The following RBM33 variants were observed in gnomAD, a reference collection of about 807,000 sequenced individuals.
The protein encoded by RBM33 is RNA-binding protein 33.
RBM33 carries 28 observed loss-of-function variants against 132.6 expected under a neutral mutation model. The observed-to-expected ratio is 0.21, with a 90% CI of 0.16 to 0.29. The LOEUF is 0.29. RBM33 is among the 10% of genes least tolerant of loss of function. The pLI is 1.00. For missense variants in RBM33, 1,291 were observed against 1,518.5 expected (o/e 0.85, Z 2.49); for synonymous variants, 634 against 593.0 (o/e 1.07, Z -1.01).
At chr7:155,763,236 T>C (rs11769826) in intron 14 of RBM33, among the ~76,000 whole-genome samples, 37,335 of 152,214 alleles carry the variant, frequency 0.25, 4,905 homozygotes, top group African/African-American at 0.34. Flanking sequence ...CAGTATTTTG[T>C]GATGCTCTTC....
At chr7:155,716,103 C>T (rs1180814462) in intron 8 of RBM33, among the ~76,000 whole-genome samples, 1 of 152,180 alleles carries the variant, frequency 6.6e-6, no homozygotes, top group African/African-American at 2.4e-5. Context: ...GTTGAAGCTT[C>T]AGCTAGACTG....
chr7:155,764,934 T>C (rs2117070442), intron 15 of RBM33, among the ~76,000 whole-genome samples: 1 of 152,382 alleles, frequency 6.6e-6, no homozygotes, highest in East Asian at 1.9e-4. Context: ...AATTCCATTT[T>C]GTACTAGAAA....
intron 14 of RBM33, among the ~76,000 whole-genome samples, chr7:155,747,984 C>T (rs1801570798): frequency 6.6e-6 from 1 of 152,164 alleles, no homozygotes; most frequent in Admixed American, 6.5e-5. Context: ...TGTTTCTGTT[C>T]CTGGCTGCTG....
chr7:155,738,382 A>C lies in RBM33; in HGVS notation c.1716A>C (p.Thr572=). The C allele has an allele frequency of 6.2e-7, 1 of 1,613,600 alleles. No individual in the cohort carries two copies. The highest frequency in any genetic ancestry group is 2.2e-5 in the East Asian group (1 of 44,880). The change falls in exon 11 of 18, where the codon ACA becomes ACC. Residue 572 remains threonine (T), a synonymous_variant. Transcript: ENST00000401878. ...LPGPGQPFLP[T]HTQPNLQGPL... Reference sequence around the variant, plus strand: ...GCCCAGGACAGCCGTTTCTGCCCACACACACACAGCCCAACCTGCAGGTAA... The same window carrying C: ...GCCCAGGACAGCCGTTTCTGCCCACCCACACACAGCCCAACCTGCAGGTAA...
At chr7:155,690,204 G>C (rs897476555) in intron 5 of RBM33, among the ~76,000 whole-genome samples, 1 of 152,148 alleles carries the variant, frequency 6.6e-6, no homozygotes, top group African/African-American at 2.4e-5. Flanking sequence ...TTGTTGAATT[G>C]ATCCCTTTAC....
intron 8 of RBM33, among the ~76,000 whole-genome samples, chr7:155,715,832 G>C (rs1210317049): frequency 1.3e-5 from 2 of 152,188 alleles, no homozygotes; most frequent in African/African-American, 2.4e-5. Context: ...GTAGGTAAAA[G>C]ATACACAGAT....
rs972111945 is a variant in RBM33 at position 155,779,582 on chromosome 7, T to G, written c.*4541T>G. ...AGGTTTTTTTGCAACCTATTTAATT[T>G]TTTTTAAATGCCTAACTTCTGAGGT... On this transcript the variant is annotated 3_prime_UTR_variant, in exon 18 of 18. Transcript: ENST00000401878. The G allele has an allele frequency of 6.6e-6, 1 of 152,236 alleles. No homozygotes were observed. Among genetic ancestry groups the G allele is most frequent in the African/African-American group, 2.4e-5 (1 of 41,464 alleles). 9.4% of individuals were successfully genotyped at this position (152,236 alleles called of 1,614,324 possible).
intron 5 of RBM33, among the ~76,000 whole-genome samples, chr7:155,683,363 T>C (rs1799388234): frequency 6.6e-6 from 1 of 152,216 alleles, no homozygotes; most frequent in Non-Finnish European, 1.5e-5. Flanking sequence ...AGATTGTGTC[T>C]CTGTGTACCC....
intron 4 of RBM33, among the ~76,000 whole-genome samples, chr7:155,678,998 C>T (rs1035454989): frequency 6.6e-6 from 1 of 151,954 alleles, no homozygotes; most frequent in African/African-American, 2.4e-5. Context: ...ATGGTGAAAC[C>T]CTGTCTCTAC....
At chr7:155,709,124 C>T (rs1800203784) in intron 7 of RBM33, among the ~76,000 whole-genome samples, 1 of 151,744 alleles carries the variant, frequency 6.6e-6, no homozygotes, top group South Asian at 2.1e-4. Context: ...ATGATTTCTT[C>T]TTTCTCCCTT....
chr7:155,685,715 T>A (rs1799459370), intron 5 of RBM33, among the ~76,000 whole-genome samples: 1 of 152,228 alleles, frequency 6.6e-6, no homozygotes, highest in African/African-American at 2.4e-5. Context: ...GTTAAATAGT[T>A]GCTGTTCTCT....
chr7:155,742,980 G>A (rs893961716), intron 13 of RBM33, among the ~76,000 whole-genome samples: 1 of 152,232 alleles, frequency 6.6e-6, no homozygotes, highest in Non-Finnish European at 1.5e-5. Flanking sequence ...TGGCTTTAGA[G>A]AAGAATTTAG....
intron 9 of RBM33, among the ~76,000 whole-genome samples, chr7:155,735,311 A>G (rs1026594715): frequency 3.9e-5 from 6 of 152,264 alleles, no homozygotes; most frequent in Non-Finnish European, 7.3e-5. Context: ...AAGCTCATTG[A>G]AACTCCTCAT....
chr7:155,697,228 C>G (rs1799819013), intron 5 of RBM33, among the ~76,000 whole-genome samples: 1 of 152,160 alleles, frequency 6.6e-6, no homozygotes, highest in Non-Finnish European at 1.5e-5. Flanking sequence ...ATTTGGAATT[C>G]TTCAGGTAAG....
intron 14 of RBM33, among the ~76,000 whole-genome samples, chr7:155,762,905 A>G (rs748802503): frequency 6.6e-6 from 1 of 152,204 alleles, no homozygotes. Context: ...ATAATTCATC[A>G]GGGCGGTGTC....
At chr7:155,717,361 G>T (rs770957042) in intron 8 of RBM33, among the ~76,000 whole-genome samples, 10 of 152,196 alleles carry the variant, frequency 6.6e-5, no homozygotes, top group Non-Finnish European at 1.3e-4. Flanking sequence ...TCCTCCCTCT[G>T]TGTGTACTGT....
intron 14 of RBM33, among the ~76,000 whole-genome samples, chr7:155,746,129 C>T (rs967795281): frequency 6.6e-6 from 1 of 152,124 alleles, no homozygotes; most frequent in African/African-American, 2.4e-5. Context: ...TGTGACAATC[C>T]CTAAATTAGA....
rs1272399508 is a variant in RBM33 at position 155,680,622 on chromosome 7, C to T, written c.281C>T (p.Thr94Ile). 1 of 1,604,640 alleles carries T rather than the reference C, an allele frequency of 6.2e-7. No individual in the cohort carries two copies. Among genetic ancestry groups the T allele is most frequent in the Non-Finnish European group, 8.5e-7 (1 of 1,176,478 alleles). The change falls in exon 5 of 18, where the codon ACA (threonine) becomes ATA (isoleucine). Residue 94 changes from threonine (T) to isoleucine (I), a missense_variant. This residue lies in a region of RBM33 where 194 missense variants were observed against 249.8 expected (regional missense o/e 0.78). Transcript: ENST00000401878. ...GGTGTTACAATTAGTCTGAATGCTA[C>T]ATCTGGCATGGTTACATCATTTGAA... is the stretch of plus-strand genomic sequence containing the variant. ...SQGVTISLNA[T>I]SGMVTSFELS...
intron 16 of RBM33, among the ~76,000 whole-genome samples, chr7:155,772,918 C>G (rs780412629): frequency 1.6e-4 from 24 of 152,196 alleles, no homozygotes; most frequent in Non-Finnish European, 2.8e-4. Flanking sequence ...TCTTTTAGAG[C>G]TCTGCTAGTC....
Sources: allele counts gnomAD v4.1 joint callset (sites outside exome capture counted in the v4.1 genomes callset), GRCh38; gene constraint gnomAD v4.1.1; regional missense constraint gnomAD v4.1.1; transcripts MANE v1.5; gene names NCBI Gene and HGNC (gene_info 2026-07-23, HGNC 2026-07-21).